The following UBR7 variants were observed in gnomAD, a reference collection of about 807,000 sequenced individuals.
The protein encoded by UBR7 is ubiquitin protein ligase E3 component n-recognin 7.
In UBR7, 22 loss-of-function variants were observed where a neutral mutation model predicts 57.0. The ratio of observed to expected loss-of-function variants is 0.39; its 90% confidence interval spans 0.28 to 0.55. The LOEUF is 0.55. Among genes scored for constraint, UBR7 ranks in the 20% least tolerant of loss-of-function variants. The pLI, the probability that UBR7 is intolerant of heterozygous loss-of-function variation, is 0.69. For missense variants in UBR7, 395 were observed against 513.2 expected (o/e 0.77, Z 2.23); for synonymous variants, 167 against 179.8 (o/e 0.93, Z 0.57).
intron 6 of UBR7, among the ~76,000 whole-genome samples, chr14:93,216,778 C>A (rs1356321779): frequency 6.6e-6 from 1 of 152,044 alleles, no homozygotes; most frequent in African/African-American, 2.4e-5. Context: ...CCACACCTGG[C>A]AAATTTTTGT....
intron 4 of UBR7, among the ~76,000 whole-genome samples, 171 bp downstream of exon 4, chr14:93,212,298 T>G (rs1016510871): frequency 1.3e-5 from 2 of 152,200 alleles, no homozygotes; most frequent in African/African-American, 2.4e-5. Context: ...GGTACACATC[T>G]CAACCATTCT....
Position 93,228,127 on chromosome 14 carries a change from A to G in UBR7, c.*1092A>G. The G allele has an allele frequency of 3.1e-6, 2 of 652,164 alleles. No homozygotes were observed. Among genetic ancestry groups the G allele is most frequent in the East Asian group, 6.0e-5 (2 of 33,296 alleles). 40.4% of individuals were successfully genotyped at this position (652,164 alleles called of 1,614,324 possible). A position where few individuals can be genotyped will look rare whatever the true frequency, so the allele number is the denominator to read the frequency against. On this transcript the variant is annotated 3_prime_UTR_variant, in exon 11 of 11. Coordinates refer to ENST00000013070, the MANE Select transcript of UBR7 (RefSeq NM_175748.4). ...TACAAACAAGGCCCGAGGCTGCACG[A>G]ATGATGAGTTTTGTGTATATAATGT...
At chr14:93,211,887 G>GTT in intron 3 of UBR7, 145 bp from the exon 4 acceptor site, 44 of 609,968 alleles carry the variant, frequency 7.2e-5, no homozygotes, top group East Asian at 1.3e-4. Context: ...GTGGTAGTGA[G>GTT]TTTTTTTTTT....
chr14:93,221,192 C>T (rs928218775), intron 9 of UBR7, among the ~76,000 whole-genome samples: 5 of 151,676 alleles, frequency 3.3e-5, no homozygotes, highest in African/African-American at 1.2e-4. Flanking sequence ...CTCACTGCAA[C>T]CTCTGCCTCC....
chr14:93,218,382 G>T (rs1446807598), intron 6 of UBR7, 145 bp from the exon 7 acceptor site: 4 of 744,174 alleles, frequency 5.4e-6, no homozygotes, highest in African/African-American at 5.3e-5. Context: ...CTGCACTCCA[G>T]TGTGGACGAC....
At chr14:93,224,424 G>A (rs944685578) in intron 10 of UBR7, among the ~76,000 whole-genome samples, 25 of 140,970 alleles carry the variant, frequency 1.8e-4, no homozygotes, top group African/African-American at 7.0e-4. Context: ...TGTCGCCTAG[G>A]TTGGAGGGCA....
chr14:93,213,965 C>T (rs1894542075), intron 4 of UBR7, among the ~76,000 whole-genome samples: 1 of 151,698 alleles, frequency 6.6e-6, no homozygotes, highest in Non-Finnish European at 1.5e-5. Context: ...TTCGCTCTGT[C>T]ACCCAGGCTG....
intron 2 of UBR7, 93 bp from the exon 3 acceptor site, chr14:93,210,555 G>A (rs1354188811): frequency 5.7e-6 from 6 of 1,051,706 alleles, no homozygotes; most frequent in African/African-American, 1.6e-5. Flanking sequence ...TTCCCGAATT[G>A]TGAAGTCTTA....
rs1239670473 is a variant in UBR7, at chr14:93,227,450, C to T, written c.*415C>T. On this transcript the variant is annotated 3_prime_UTR_variant, in exon 11 of 11. Transcript: ENST00000013070. ...ATCACGGAAGGCTCTCTTCCCGTCA[C>T]CTAGAACCTCTACAGGTCCCCTCGC... is the stretch of plus-strand genomic sequence containing the variant. 3 of 684,312 alleles carry T rather than the reference C, an allele frequency of 4.4e-6. No homozygotes were observed. Among genetic ancestry groups the T allele is most frequent in the Non-Finnish European group, 8.0e-6 (3 of 375,200 alleles). The allele number at this position is 684,312 out of a possible 1,614,324, so 42.4% of individuals were successfully genotyped here.
In UBR7 at chr14:93,209,882, A is replaced by T; in HGVS notation, c.209A>T (p.Glu70Val). 6.2e-7 allele frequency: 1 copy of T among 1,614,088 alleles called. No homozygotes were observed. Among genetic ancestry groups the T allele is most frequent in the Non-Finnish European group, 8.5e-7 (1 of 1,179,976 alleles). The change falls in exon 2 of 11, where the codon GAA (glutamate) becomes GTA (valine). Residue 70 changes from glutamate to valine, a missense_variant. Transcript: ENST00000013070. ...AGTACCTGCACCCCAGAGGGAGAAGAACCAGCAGGAATTTGTTTAGCTTGC... is the reference window on the plus strand; with the variant it reads ...AGTACCTGCACCCCAGAGGGAGAAGTACCAGCAGGAATTTGTTTAGCTTGC... The part of the protein sequence containing the change: ...ACSTCTPEGE[E>V]PAGICLACSY...
At chr14:93,225,805 G>A (rs1894837782) in intron 10 of UBR7, among the ~76,000 whole-genome samples, 1 of 152,214 alleles carries the variant, frequency 6.6e-6, no homozygotes, top group Admixed American at 6.5e-5. Flanking sequence ...TCATTTGTGT[G>A]TTGTTAGGTC....
At position 93,220,236 on chromosome 14, in the gene UBR7, T is replaced by C; in HGVS notation, c.961-13T>C. ...AACTCCTCTTTCTTTTTTTTTTTTT[T>C]TTTTCCCTAAAGAAAATGTATGGAG... is the stretch of plus-strand genomic sequence containing the variant. On this transcript the variant is annotated splice_polypyrimidine_tract_variant and intron_variant, in intron 8 of 10. Transcript: ENST00000013070. 1 of 1,600,572 alleles carries C rather than the reference T, an allele frequency of 6.2e-7. No individual in the cohort carries two copies. The highest frequency in any genetic ancestry group is 8.5e-7 in the Non-Finnish European group (1 of 1,177,714).
chr14:93,224,162 C>T, intron 10 of UBR7: 1 of 610,536 alleles, frequency 1.6e-6, no homozygotes, highest in Non-Finnish European at 2.9e-6. Context: ...GCGCTCGCCA[C>T]CACCCGCAAA....
rs941667717 is a variant in UBR7 at position 93,228,397 on chromosome 14, G to A, written c.*1362G>A. On this transcript the variant is annotated 3_prime_UTR_variant, in exon 11 of 11. Transcript: ENST00000013070. ...CACACCTTGATGTATGTTAATAAAA[G>A]CATTTCAGGCTGTGGGGCCACCATG... 1.0e-4 allele frequency: 47 copies of A among 454,192 alleles called. No individual in the cohort carries two copies. The highest frequency in any genetic ancestry group is 8.8e-4 in the African/African-American group (44 of 49,990). The allele number at this position is 454,192 out of a possible 1,614,324, so 28.1% of individuals were successfully genotyped here. A position where few individuals can be genotyped will look rare whatever the true frequency, so the allele number is the denominator to read the frequency against.
intron 1 of UBR7, among the ~76,000 whole-genome samples, chr14:93,208,017 C>G (rs1466588592): frequency 2.0e-5 from 3 of 152,124 alleles, no homozygotes; most frequent in East Asian, 1.9e-4. Flanking sequence ...GTCTGCCCCC[C>G]TCCCCTGGAA....
chr14:93,210,744 C>T, intron 3 of UBR7, 36 bp downstream of exon 3: 1 of 1,550,180 alleles, frequency 6.5e-7, no homozygotes, highest in Non-Finnish European at 8.9e-7. Flanking sequence ...GCATTTAGAG[C>T]AGCTGAGGTT....
rs1253132318 is a variant in UBR7 at position 93,207,339 on chromosome 14, C to G, written c.48C>G (p.Pro16=). 1.9e-6 allele frequency: 3 copies of G among 1,557,934 alleles called. No homozygotes were observed. The highest frequency in any genetic ancestry group is 2.6e-6 in the Non-Finnish European group (3 of 1,150,606). The part of the protein sequence containing the change: ...GAAGRQSELE[P]VVSLVDVLEE... ...CTGGGCGGCAGTCGGAGCTGGAGCCCGTGGTATCGTTGGTCGACGTCCTTG... is the reference window on the plus strand; with the variant it reads ...CTGGGCGGCAGTCGGAGCTGGAGCCGGTGGTATCGTTGGTCGACGTCCTTG... Residue 16 remains proline, a synonymous_variant, in exon 1 of 11, where the codon CCC becomes CCG. Coordinates refer to ENST00000013070, the MANE Select transcript of UBR7 (RefSeq NM_175748.4).
Position 93,207,271 on chromosome 14 carries a change from C to A in UBR7, c.-21C>A. The A allele has an allele frequency of 6.4e-7, 1 of 1,551,112 alleles. No homozygotes were observed. Among genetic ancestry groups the A allele is most frequent in the Non-Finnish European group, 8.7e-7 (1 of 1,147,518 alleles). ...TCCCGCCTCCGCCGGGGCCGAGCCGCTGTTCGGCTGACAGTTGAGGATGGC... is the reference window on the plus strand; with the variant it reads ...TCCCGCCTCCGCCGGGGCCGAGCCGATGTTCGGCTGACAGTTGAGGATGGC... On this transcript the variant is annotated 5_prime_UTR_variant, in exon 1 of 11. It adds an upstream start codon to the 5' untranslated region. Transcript: ENST00000013070.
Position 93,220,326 on chromosome 14 carries a change from G to T in UBR7, c.1038G>T (p.Lys346Asn), listed in dbSNP as rs952684024. 5 of 1,611,424 alleles carry T rather than the reference G, an allele frequency of 3.1e-6. No individual in the cohort carries two copies. The highest frequency in any genetic ancestry group is 4.2e-6 in the Non-Finnish European group (5 of 1,179,748). The change falls in exon 9 of 11, where the codon AAG becomes AAT. Residue 346 changes from lysine to asparagine, a missense_variant. Transcript: ENST00000013070. ...DTVLAYENKG[K>N]IAQATDRSDP... ...TTCTGGCTTATGAAAACAAAGGGAA[G>T]ATTGCCCAGGCCACTGACAGGAGCG...
Sources: allele counts gnomAD v4.1 joint callset (sites outside exome capture counted in the v4.1 genomes callset), GRCh38; gene constraint gnomAD v4.1.1; transcripts MANE v1.5; gene names NCBI Gene and HGNC (gene_info 2026-07-23, HGNC 2026-07-21).